The following NXPE2 variants were observed in gnomAD, a reference collection of about 807,000 sequenced individuals.
NXPE2 encodes the protein neurexophilin and PC-esterase domain family member 2.
A neutral mutation model predicts 34.4 loss-of-function variants in NXPE2; 34 were observed. The observed-to-expected ratio is 0.99, with a 90% CI of 0.75 to 1.31. The LOEUF (loss-of-function observed/expected upper bound fraction) is 1.31, where lower values mean the gene tolerates loss of function less well. NXPE2 is among the 40% of genes most tolerant of loss of function. The pLI is 0.00. For synonymous variants in NXPE2, 235 were observed against 231.3 expected (o/e 1.02, Z -0.15); for missense variants, 649 against 672.5 (o/e 0.97, Z 0.39).
At chr11:114,631,352 G>T in the NXPE2 span, among the ~76,000 whole-genome samples, 1 of 151,824 alleles carries the variant, frequency 6.6e-6, no homozygotes, top group Non-Finnish European at 1.5e-5. Context: ...CATAAAAAAT[G>T]ATGAGTTCAT....
At chr11:114,583,962 A>G in the NXPE2 span, 8 of 384,914 alleles carry the variant, frequency 2.1e-5, no homozygotes, top group East Asian at 1.8e-4. Context: ...GATGAGTCCT[A>G]TGAGGCCATT....
chr11:114,773,279 A>AC, the NXPE2 span, among the ~76,000 whole-genome samples: 19,861 of 69,156 alleles, frequency 0.29, 1,834 homozygotes, highest in East Asian at 0.32. Context: ...ACCCACTCCC[A>AC]CCCCCCCCCC....
the NXPE2 span, chr11:114,570,958 ATATAT>A: frequency 6.3e-7 from 1 of 1,596,328 alleles, no homozygotes. Context: ...TAGTTTAATA[ATATAT>A]TAATCTGATT....
the NXPE2 span, among the ~76,000 whole-genome samples, chr11:114,563,812 A>G: frequency 1.3e-5 from 2 of 152,190 alleles, no homozygotes; most frequent in Admixed American, 6.6e-5. Flanking sequence ...TTTAAAAAAT[A>G]AAAAATAATA....
At chr11:114,627,714 C>A in the NXPE2 span, among the ~76,000 whole-genome samples, 1 of 152,158 alleles carries the variant, frequency 6.6e-6, no homozygotes, top group South Asian at 2.1e-4. Context: ...AATTAAAAGA[C>A]ACAGATTGGC....
intron 2 of NXPE2, among the ~76,000 whole-genome samples, chr11:114,692,582 G>A (rs1474696462): frequency 2.6e-5 from 4 of 152,164 alleles, no homozygotes; most frequent in Non-Finnish European, 5.9e-5. Context: ...TTCTCCTGCA[G>A]CCATGATCAT....
chr11:114,549,607 T>G, the NXPE2 span, among the ~76,000 whole-genome samples: 1 of 152,030 alleles, frequency 6.6e-6, no homozygotes, highest in Non-Finnish European at 1.5e-5. Flanking sequence ...AATATATACT[T>G]TAACTCAAAA....
chr11:114,493,597 A>G, the NXPE2 span, among the ~76,000 whole-genome samples: 1 of 152,222 alleles, frequency 6.6e-6, no homozygotes, highest in Non-Finnish European at 1.5e-5. Context: ...ACAAGCCAAG[A>G]GTAAACTAAT....
chr11:114,807,167 G>GC, the NXPE2 span, among the ~76,000 whole-genome samples: 35 of 149,350 alleles, frequency 2.3e-4, no homozygotes, highest in African/African-American at 8.6e-4. Flanking sequence ...CACCAGGCCT[G>GC]CCCTAAAAGA....
At chr11:114,551,355 A>G in the NXPE2 span, 2 of 1,415,590 alleles carry the variant, frequency 1.4e-6, no homozygotes, top group South Asian at 3.2e-5. Context: ...GCTAACTAAC[A>G]ACTCATACCC....
chr11:114,748,266 T>C, the NXPE2 span, among the ~76,000 whole-genome samples: 2 of 152,210 alleles, frequency 1.3e-5, no homozygotes, highest in African/African-American at 4.8e-5. Flanking sequence ...AAATTGCCTA[T>C]GTGTTGCTCC....
At chr11:114,760,252 T>G in the NXPE2 span, among the ~76,000 whole-genome samples, 1 of 152,184 alleles carries the variant, frequency 6.6e-6, no homozygotes, top group East Asian at 1.9e-4. Context: ...GAGACCTTGC[T>G]GGCCTCTTTC....
the NXPE2 span, among the ~76,000 whole-genome samples, chr11:114,604,936 T>A: frequency 6.6e-6 from 1 of 151,982 alleles, no homozygotes; most frequent in Non-Finnish European, 1.5e-5. Context: ...GGGTACCCAC[T>A]GTTACCTGGT....
At chr11:114,655,484 C>A in the NXPE2 span, among the ~76,000 whole-genome samples, 1 of 152,128 alleles carries the variant, frequency 6.6e-6, no homozygotes, top group African/African-American at 2.4e-5. Context: ...TTTAATCCAT[C>A]TTGAGTGAAT....
At chr11:114,511,523 TA>T in the NXPE2 span, among the ~76,000 whole-genome samples, 7 of 152,186 alleles carry the variant, frequency 4.6e-5, no homozygotes, top group African/African-American at 1.2e-4. Context: ...CTCTTTCACC[TA>T]AAAAATATCA....
chr11:114,771,185 A>T, the NXPE2 span, among the ~76,000 whole-genome samples: 1 of 151,616 alleles, frequency 6.6e-6, no homozygotes, highest in Non-Finnish European at 1.5e-5. Context: ...AATGGGTCAA[A>T]TGTGGAGTAT....
chr11:114,546,458 A>G, the NXPE2 span, among the ~76,000 whole-genome samples: 1 of 130,814 alleles, frequency 7.6e-6, no homozygotes, highest in Non-Finnish European at 1.6e-5. Context: ...ACATATATAT[A>G]TTTTTTCTTT....
the NXPE2 span, among the ~76,000 whole-genome samples, chr11:114,805,002 C>G: frequency 6.6e-6 from 1 of 152,032 alleles, no homozygotes; most frequent in African/African-American, 2.4e-5. Flanking sequence ...ATATTTCTAT[C>G]TTCTTCTTCT....
chr11:114,559,684 C>T, the NXPE2 span: 2 of 152,198 alleles, frequency 1.3e-5, no homozygotes, highest in African/African-American at 4.8e-5. Flanking sequence ...TGAGAGAACC[C>T]CTCAGCAGAC....
Sources: gnomAD v4.1 joint callset for allele counts (sites outside exome capture counted in the v4.1 genomes callset) on GRCh38, gnomAD v4.1.1 for gene constraint, MANE v1.5 for transcripts, NCBI Gene and HGNC (gene_info 2026-07-23, HGNC 2026-07-21) for gene names.